KLHL1: variants seen among roughly 807,000 people sequenced by gnomAD.
KLHL1 encodes kelch like family member 1.
In KLHL1, 47 loss-of-function variants were observed where a neutral mutation model predicts 77.7. That is an observed-to-expected ratio of 0.60 (90% CI 0.48 to 0.77). The LOEUF is 0.77. KLHL1 is among the 30% of genes least tolerant of loss of function. The pLI is 0.00. For synonymous variants in KLHL1, 360 were observed against 325.2 expected (o/e 1.11, Z -1.15); for missense variants, 925 against 910.8 (o/e 1.02, Z -0.20).
At chr13:70,054,836 T>C (rs1360431594) in intron 1 of KLHL1, among the ~76,000 whole-genome samples, 1 of 149,696 alleles carries the variant, frequency 6.7e-6, no homozygotes, top group East Asian at 2.0e-4. Flanking sequence ...AAGAGAGAAT[T>C]AGTGAGCTTG....
At chr13:69,855,404 A>ACAGT (rs71303734) in intron 5 of KLHL1, among the ~76,000 whole-genome samples, 12,920 of 146,336 alleles carry the variant, frequency 0.088, 839 homozygotes, top group African/African-American at 0.11. Context: ...AGATAGATAG[A>ACAGT]GATACAGATA....
Position 69,940,233 on chromosome 13 carries a change from C to A in KLHL1, c.821G>T (p.Cys274Phe), listed in dbSNP as rs1171573170. ...AATGGTGTCCTCTTTTAATTCCAAGCAGCCTAAACATAAGCAAAGATAATT... is the reference window on the plus strand; with the variant it reads ...AATGGTGTCCTCTTTTAATTCCAAGAAGCCTAAACATAAGCAAAGATAATT... The part of the protein sequence containing the change: ...WDLVQFAYTG[C>F]LELKEDTIEN... The change falls in exon 4 of 11, where the codon TGC becomes TTC. Residue 274 changes from cysteine to phenylalanine, a missense_variant. Transcript: ENST00000377844. 1 of 1,594,536 alleles carries A rather than the reference C, an allele frequency of 6.3e-7. No homozygotes were observed. The highest frequency in any genetic ancestry group is 1.1e-5 in the South Asian group (1 of 88,514).
intron 7 of KLHL1, among the ~76,000 whole-genome samples, chr13:69,789,774 T>C (rs918337366): frequency 6.6e-6 from 1 of 152,190 alleles, no homozygotes; most frequent in Non-Finnish European, 1.5e-5. Context: ...AGGCCAATAG[T>C]GTGCTTCCAA....
intron 4 of KLHL1, among the ~76,000 whole-genome samples, chr13:69,909,302 T>G (rs906772410): frequency 3.9e-5 from 6 of 151,992 alleles, no homozygotes; most frequent in Middle Eastern, 3.4e-3. Context: ...GCAGAGAGGA[T>G]GTATGCCAAA....
At chr13:69,820,003 G>T (rs879511907) in intron 6 of KLHL1, among the ~76,000 whole-genome samples, 1 of 152,074 alleles carries the variant, frequency 6.6e-6, no homozygotes, top group East Asian at 1.9e-4. Flanking sequence ...TTGTTTTCCC[G>T]TGTCAAGAAG....
At chr13:69,740,621 G>A (rs1006194537) in intron 7 of KLHL1, 65 bp from the exon 8 acceptor site, 22 of 1,222,084 alleles carry the variant, frequency 1.8e-5, no homozygotes, top group Middle Eastern at 4.0e-4. Context: ...TTAAAAATCT[G>A]TTAAGTGGGT....
intron 7 of KLHL1, among the ~76,000 whole-genome samples, chr13:69,765,012 C>A (rs1165236164): frequency 8.2e-6 from 1 of 122,328 alleles, no homozygotes; most frequent in South Asian, 3.0e-4. Context: ...AGTGCAGTGG[C>A]GCAATCTCAG....
chr13:69,701,572 A>G lies in KLHL1; in HGVS notation c.*130T>C. 1.5e-6 allele frequency: 1 copy of G among 653,716 alleles called. No individual in the cohort carries two copies. Among genetic ancestry groups the G allele is most frequent in the Non-Finnish European group, 2.7e-6 (1 of 369,354 alleles). The allele number at this position is 653,716 out of a possible 1,614,324, so 40.5% of individuals were successfully genotyped here. On this transcript the variant is annotated 3_prime_UTR_variant, in exon 11 of 11. Coordinates refer to ENST00000377844, the MANE Select transcript of KLHL1 (RefSeq NM_020866.3). ...TGTTTGATCTACTAACTCTTTCAAC[A>G]TCAGTAGGTAACGCTACAGAGATCC...
intron 5 of KLHL1, among the ~76,000 whole-genome samples, chr13:69,872,056 C>T (rs550123298): frequency 2.6e-4 from 40 of 152,264 alleles, no homozygotes; most frequent in Non-Finnish European, 5.6e-4. Flanking sequence ...TAAAGGACTA[C>T]CTGAGGCTAG....
intron 5 of KLHL1, among the ~76,000 whole-genome samples, chr13:69,869,202 A>T (rs1042892542): frequency 4.6e-4 from 70 of 152,302 alleles, no homozygotes; most frequent in African/African-American, 1.6e-3. Context: ...GAAGCCTAAA[A>T]TAATTTTCTG....
intron 4 of KLHL1, among the ~76,000 whole-genome samples, chr13:69,934,962 G>GTGTGTATATATATATA (rs372646811): frequency 7.7e-6 from 1 of 129,818 alleles, no homozygotes; most frequent in African/African-American, 3.1e-5. Flanking sequence ...GTGTGCATGT[G>GTGTGTATATATATATA]TATATATATA....
At chr13:69,773,289 C>T (rs1875665168) in intron 7 of KLHL1, among the ~76,000 whole-genome samples, 1 of 151,984 alleles carries the variant, frequency 6.6e-6, no homozygotes, top group South Asian at 2.1e-4. Context: ...TGTGTAATGA[C>T]ATTTACTATT....
At chr13:70,045,270 C>T (rs969413782) in intron 1 of KLHL1, among the ~76,000 whole-genome samples, 5 of 152,224 alleles carry the variant, frequency 3.3e-5, no homozygotes, top group Non-Finnish European at 7.4e-5. Flanking sequence ...ATACATTAAG[C>T]ACAAATACAT....
At chr13:69,914,775 T>C (rs1206844266) in intron 4 of KLHL1, among the ~76,000 whole-genome samples, 1 of 152,130 alleles carries the variant, frequency 6.6e-6, no homozygotes, top group Non-Finnish European at 1.5e-5. Context: ...TACAATCCTT[T>C]CCTAGAATTT....
chr13:69,834,470 C>T (rs1878901343), intron 6 of KLHL1, among the ~76,000 whole-genome samples: 1 of 151,870 alleles, frequency 6.6e-6, no homozygotes, highest in Non-Finnish European at 1.5e-5. Context: ...CTTTTCACAT[C>T]TTCAAAATAT....
At chr13:69,975,475 A>G in intron 2 of KLHL1, 145 bp downstream of exon 2, 1 of 698,470 alleles carries the variant, frequency 1.4e-6, no homozygotes, top group South Asian at 2.2e-5. Flanking sequence ...ACAAGTATAA[A>G]CAAAACAAAC....
intron 1 of KLHL1, among the ~76,000 whole-genome samples, chr13:70,079,752 A>G (rs1887350268): frequency 1.3e-5 from 2 of 152,200 alleles, no homozygotes; most frequent in South Asian, 4.1e-4. Flanking sequence ...TTTCTCTTTC[A>G]TGAATGAGGA....
intron 3 of KLHL1, among the ~76,000 whole-genome samples, chr13:69,951,620 C>T (rs554716382): frequency 6.6e-6 from 1 of 151,634 alleles, no homozygotes; most frequent in South Asian, 2.1e-4. Flanking sequence ...ACCATACCCA[C>T]TTCCTCTTTA....
At chr13:70,030,042 A>G (rs1384227305) in intron 1 of KLHL1, among the ~76,000 whole-genome samples, 2 of 152,246 alleles carry the variant, frequency 1.3e-5, no homozygotes, top group Non-Finnish European at 2.9e-5. Context: ...AAGAAGAGCT[A>G]ACTATCCTAA....
Sources: allele counts gnomAD v4.1 joint callset (sites outside exome capture counted in the v4.1 genomes callset), GRCh38; gene constraint gnomAD v4.1.1; transcripts MANE v1.5; gene names NCBI Gene and HGNC (gene_info 2026-07-23, HGNC 2026-07-21).